The following MGAM2 variants were observed in gnomAD, a reference collection of about 807,000 sequenced individuals.
The protein encoded by MGAM2 is probable maltase-glucoamylase 2.
In MGAM2, 98 loss-of-function variants were observed where a neutral mutation model predicts 96.1. The observed-to-expected ratio is 1.02, with a 90% CI of 0.87 to 1.21. MGAM2 has a LOEUF of 1.21. MGAM2 is among the 50% of genes most tolerant of loss of function. MGAM2 has a pLI of 0.00. For synonymous variants in MGAM2, 749 were observed against 414.8 expected (o/e 1.81, Z -9.79); for missense variants, 2,055 against 1,182.4 (o/e 1.74, Z -10.82).
At chr7:142,142,704 C>T (rs1395215939) in intron 12 of MGAM2, among the ~76,000 whole-genome samples, 1 of 151,954 alleles carries the variant, frequency 6.6e-6, no homozygotes, top group African/African-American at 2.4e-5. Context: ...TGCCTGCCAC[C>T]ATGCCTGGCT....
At chr7:142,125,465 C>A (rs773567029) in intron 3 of MGAM2, among the ~76,000 whole-genome samples, 8 of 151,826 alleles carry the variant, frequency 5.3e-5, no homozygotes, top group Admixed American at 1.3e-4. Flanking sequence ...TTAGACTGAC[C>A]CCAGTTTCAG....
chr7:142,193,187 A>G (rs1267545739), intron 37 of MGAM2, among the ~76,000 whole-genome samples: 1 of 152,106 alleles, frequency 6.6e-6, no homozygotes, highest in East Asian at 1.9e-4. Context: ...TTTACCAATC[A>G]CAAATGCTGG....
At position 142,213,097 on chromosome 7, in the gene MGAM2, T is replaced by C. The variant is rs369261821; in HGVS notation, c.5187+4475T>C. 3.9e-5 allele frequency among the ~76,000 whole-genome samples: 6 copies of C among 152,132 alleles called. No homozygotes were observed. The South Asian group carries it at 1.2e-3, about 32-fold the overall frequency. ...TCCTGGATGACTACTGAGTAAATAA[T>C]GAAATTAAGGCAGAAATAAATAAGT... is the stretch of plus-strand genomic sequence containing the variant. On this transcript the variant is annotated intron_variant, in intron 46 of 47. Coordinates refer to ENST00000477922, the MANE Select transcript of MGAM2 (RefSeq NM_001293626.2).
intron 46 of MGAM2, among the ~76,000 whole-genome samples, chr7:142,217,180 A>G (rs1797789341): frequency 6.6e-6 from 1 of 152,148 alleles, no homozygotes. Flanking sequence ...GTGCCACCTC[A>G]TAATTTATGT....
chr7:142,150,801 T>C (rs1312081121), intron 15 of MGAM2, among the ~76,000 whole-genome samples: 1 of 152,180 alleles, frequency 6.6e-6, no homozygotes, highest in Non-Finnish European at 1.5e-5. Context: ...ACCTATAAGG[T>C]ACTTTATAAT....
chr7:142,120,416 G>C (rs1306197754), intron 3 of MGAM2, 35 bp downstream of exon 3: 1 of 700,290 alleles, frequency 1.4e-6, no homozygotes, highest in Non-Finnish European at 2.6e-6. Flanking sequence ...GTGGCCTACA[G>C]GGTGTTATTG....
Position 142,154,081 on chromosome 7 carries a change from A to G in MGAM2, c.1698A>G (p.Gly566=). The stretch of plus-strand genomic sequence containing the variant: ...TCTTATCCCGTTCTACTTTTGCTGG[A>G]TCTGGCAAATTTGCTGCTCATTGGC... The part of the protein sequence containing the change: ...SFILSRSTFA[G]SGKFAAHWLG... Residue 566 remains glycine (G), a synonymous_variant, in exon 16 of 48, where the codon GGA becomes GGG. Coordinates refer to ENST00000477922, the MANE Select transcript of MGAM2 (RefSeq NM_001293626.2). 1.4e-6 allele frequency: 1 copy of G among 696,302 alleles called. No homozygotes were observed. Among genetic ancestry groups the G allele is most frequent in the African/African-American group, 1.7e-5 (1 of 57,302 alleles). The allele number at this position is 696,302 out of a possible 1,614,324, so 43.1% of individuals were successfully genotyped here. A position where few individuals can be genotyped will look rare whatever the true frequency, so the allele number is the denominator to read the frequency against.
intron 31 of MGAM2, among the ~76,000 whole-genome samples, chr7:142,174,061 A>G (rs925685497): frequency 1.3e-5 from 2 of 152,266 alleles, no homozygotes; most frequent in East Asian, 1.9e-4. Flanking sequence ...TACCAGTACC[A>G]TGCTGTTTTG....
At chr7:142,166,002 G>T in intron 24 of MGAM2, 96 bp from the exon 25 acceptor site, 1 of 580,790 alleles carries the variant, frequency 1.7e-6, no homozygotes, top group South Asian at 2.3e-5. Context: ...GGAAGGAATA[G>T]ATGCCCTTGT....
At chr7:142,190,267 C>CTTTTT (rs58228482) in intron 37 of MGAM2, among the ~76,000 whole-genome samples, 44 of 104,216 alleles carry the variant, frequency 4.2e-4, no homozygotes, top group East Asian at 8.1e-4. Flanking sequence ...TACCATTTTA[C>CTTTTT]TTTTTTTTTT....
chr7:142,133,387 T>C (rs1794965775), intron 6 of MGAM2, among the ~76,000 whole-genome samples: 1 of 150,942 alleles, frequency 6.6e-6, no homozygotes, highest in African/African-American at 2.4e-5. Context: ...GATTTTATTG[T>C]TTTAAATTAT....
chr7:142,111,991 G>A (rs950580634), intron 1 of MGAM2, among the ~76,000 whole-genome samples, 184 bp downstream of exon 1: 47 of 138,292 alleles, frequency 3.4e-4, no homozygotes, highest in East Asian at 8.4e-4. Context: ...TTGATGGAGA[G>A]GAGAGACTGT....
In MGAM2 at chr7:142,147,485, ACT is replaced by A. The variant is rs1413144798; in HGVS notation, c.1551_1552del (p.Cys518HisfsTer12). On this transcript the variant is annotated frameshift_variant, in exon 15 of 48. Coordinates refer to ENST00000477922, the MANE Select transcript of MGAM2 (RefSeq NM_001293626.2). LOFTEE classifies it high-confidence loss of function. ...RVLDHLLFAR[T>X]LCMDTEFHGG... ...TCTGGATCACTTACTTTTTGCAAGA[ACT>A]CTCTGCATGGACACGGAGTTTCATG... The A allele has an allele frequency of 7.1e-6, 5 of 702,060 alleles. No individual in the cohort carries two copies. The highest frequency in any genetic ancestry group is 1.3e-5 in the Non-Finnish European group (5 of 384,710). 43.5% of individuals were successfully genotyped at this position (702,060 alleles called of 1,614,324 possible). A position where few individuals can be genotyped will look rare whatever the true frequency, so the allele number is the denominator to read the frequency against.
chr7:142,207,132 G>T (rs1157555084), intron 45 of MGAM2, among the ~76,000 whole-genome samples: 1 of 152,194 alleles, frequency 6.6e-6, no homozygotes, highest in African/African-American at 2.4e-5. Flanking sequence ...AACAGAACAT[G>T]AAGTGAAACT....
chr7:142,188,376 G>A (rs1296935696), intron 36 of MGAM2, among the ~76,000 whole-genome samples: 3 of 152,070 alleles, frequency 2.0e-5, no homozygotes, highest in Admixed American at 2.0e-4. Flanking sequence ...CGGCTGAGGT[G>A]GGAGGATTGT....
intron 6 of MGAM2, 65 bp downstream of exon 6, chr7:142,132,150 TA>T (rs1794908396): frequency 1.6e-6 from 1 of 618,290 alleles, no homozygotes; most frequent in African/African-American, 1.8e-5. Flanking sequence ...CATTCTGATT[TA>T]CTGGGGGTGG....
intron 45 of MGAM2, chr7:142,208,264 C>G (rs943074252): frequency 3.9e-6 from 2 of 513,626 alleles, no homozygotes; most frequent in African/African-American, 3.8e-5. Context: ...TACATGCTTG[C>G]TGTCTCGCAC....
intron 45 of MGAM2, among the ~76,000 whole-genome samples, chr7:142,207,570 C>T (rs1797447140): frequency 6.6e-6 from 1 of 152,078 alleles, no homozygotes; most frequent in East Asian, 1.9e-4. Context: ...GGACTACAGG[C>T]GCCCACCACC....
intron 1 of MGAM2, among the ~76,000 whole-genome samples, chr7:142,112,678 T>C (rs2129072223): frequency 6.6e-6 from 1 of 152,240 alleles, no homozygotes. Flanking sequence ...AAGTAGCGGC[T>C]CTCGGTGTTT....
Sources: allele counts gnomAD v4.1 joint callset (sites outside exome capture counted in the v4.1 genomes callset), GRCh38; gene constraint gnomAD v4.1.1; transcripts MANE v1.5; gene names NCBI Gene and HGNC (gene_info 2026-07-23, HGNC 2026-07-21).